Variants in MIGA1 observed in about 807,000 individuals in gnomAD.
MIGA1 encodes family with sequence similarity 73, member A.
Under a neutral mutation model 82.0 loss-of-function variants are expected in MIGA1, and 58 were observed. The ratio of observed to expected loss-of-function variants is 0.71; its 90% CI spans 0.57 to 0.88. The LOEUF (loss-of-function observed/expected upper bound fraction) is 0.88, where lower values mean the gene tolerates loss of function less well. Ranked by LOEUF, MIGA1 falls within the 40% of genes least tolerant of loss-of-function variation. The pLI, the probability that MIGA1 is intolerant of heterozygous loss-of-function variation, is 0.00. For synonymous variants in MIGA1, 249 were observed against 253.6 expected (o/e 0.98, Z 0.17); for missense variants, 751 against 749.1 (o/e 1.00, Z -0.03).
chr1:77,787,271 A>G (rs1398150494), intron 2 of MIGA1, among the ~76,000 whole-genome samples: 2 of 152,168 alleles, frequency 1.3e-5, no homozygotes, highest in Admixed American at 6.5e-5. Flanking sequence ...TATCAAAGGT[A>G]GTATATCCTT....
At chr1:77,786,243 G>T (rs1049321062) in intron 2 of MIGA1, among the ~76,000 whole-genome samples, 6 of 152,236 alleles carry the variant, frequency 3.9e-5, no homozygotes, top group Non-Finnish European at 8.8e-5. Flanking sequence ...ACAGCACGGG[G>T]ACACTGGGCC....
chr1:77,854,116 A>G (rs1685159054), intron 8 of MIGA1, among the ~76,000 whole-genome samples: 1 of 152,072 alleles, frequency 6.6e-6, no homozygotes, highest in African/African-American at 2.4e-5. Flanking sequence ...TTTAGCTCCC[A>G]CTTATCAGTG....
intron 2 of MIGA1, among the ~76,000 whole-genome samples, chr1:77,787,129 G>A (rs947436597): frequency 3.9e-5 from 6 of 152,234 alleles, no homozygotes; most frequent in South Asian, 4.1e-4. Flanking sequence ...ATCAGATCTC[G>A]TGAGACTTAT....
chr1:77,873,261 T>A, intron 15 of MIGA1, 141 bp downstream of exon 15: 1 of 797,704 alleles, frequency 1.3e-6, no homozygotes, highest in Non-Finnish European at 1.9e-6. Flanking sequence ...ATTCAGCATT[T>A]AAATGTCAGT....
At chr1:77,827,269 G>A (rs1684066647) in intron 7 of MIGA1, among the ~76,000 whole-genome samples, 3 of 152,126 alleles carry the variant, frequency 2.0e-5, no homozygotes, top group Non-Finnish European at 4.4e-5. Flanking sequence ...AGCCAGATTG[G>A]ACAATGTGTT....
chr1:77,843,293 C>A lies in MIGA1; in HGVS notation c.896-14C>A. ...GAATATCACTTTCTGAACTTTTCACCTTTTACTTTTAAGATAAAGATACAG... is the reference window on the plus strand; with the variant it reads ...GAATATCACTTTCTGAACTTTTCACATTTTACTTTTAAGATAAAGATACAG... On this transcript the variant is annotated splice_polypyrimidine_tract_variant and intron_variant, in intron 7 of 15. Transcript: ENST00000370791. 9 of 1,579,654 alleles carry A rather than the reference C, an allele frequency of 5.7e-6. No homozygotes were observed. The highest frequency in any genetic ancestry group is 7.8e-6 in the Non-Finnish European group (9 of 1,149,494).
chr1:77,854,704 T>C (rs1685180282), intron 8 of MIGA1, among the ~76,000 whole-genome samples: 1 of 152,240 alleles, frequency 6.6e-6, no homozygotes, highest in Non-Finnish European at 1.5e-5. Flanking sequence ...ATATCTTCTT[T>C]TGAGAATTGT....
intron 8 of MIGA1, chr1:77,847,916 G>T (rs1684904071): frequency 3.4e-6 from 5 of 1,450,822 alleles, no homozygotes; most frequent in Middle Eastern, 3.5e-4. Context: ...ATGAAATAAA[G>T]AAACTAGAGT....
chr1:77,822,290 G>A (rs998328852), intron 7 of MIGA1, among the ~76,000 whole-genome samples: 1 of 152,184 alleles, frequency 6.6e-6, no homozygotes, highest in African/African-American at 2.4e-5. Context: ...GCCGGGCACA[G>A]TAACTCACAC....
intron 2 of MIGA1, among the ~76,000 whole-genome samples, chr1:77,798,708 A>G (rs1391738854): frequency 6.6e-6 from 1 of 152,184 alleles, no homozygotes. Context: ...CCCTTTGTGT[A>G]TTTATGGCTT....
intron 2 of MIGA1, among the ~76,000 whole-genome samples, chr1:77,783,640 T>C (rs1682018508): frequency 6.6e-6 from 1 of 152,222 alleles, no homozygotes; most frequent in African/African-American, 2.4e-5. Context: ...GTAGGCCTGT[T>C]CTCACTATTA....
chr1:77,780,385 G>T (rs559969362), intron 1 of MIGA1, among the ~76,000 whole-genome samples: 5 of 152,300 alleles, frequency 3.3e-5, no homozygotes, highest in Non-Finnish European at 1.5e-5. Context: ...GACTCAGCTT[G>T]TTTTTGCACA....
chr1:77,781,366 T>G (rs113298418), intron 1 of MIGA1, among the ~76,000 whole-genome samples: 3 of 152,342 alleles, frequency 2.0e-5, no homozygotes, highest in African/African-American at 7.2e-5. Context: ...TAGCATAGAT[T>G]GCTTAATGAT....
intron 14 of MIGA1, chr1:77,868,444 CTCAAACTCCCAGCT>C (rs1685759124): frequency 6.6e-6 from 1 of 152,230 alleles, no homozygotes; most frequent in Non-Finnish European, 1.5e-5. Flanking sequence ...CCAGGCTAAT[CTCAAACTCCCAGCT>C]TCAAGTCATC....
chr1:77,813,323 G>A (rs376532655), intron 5 of MIGA1, among the ~76,000 whole-genome samples: 3 of 151,970 alleles, frequency 2.0e-5, no homozygotes, highest in Admixed American at 1.3e-4. Context: ...TTATAAACCC[G>A]GTAGCTTTTT....
chr1:77,803,327 A>G lies in MIGA1; in HGVS notation c.431A>G (p.Asp144Gly), dbSNP rs775350838. 1.9e-6 allele frequency: 3 copies of G among 1,566,268 alleles called. No homozygotes were observed. The highest frequency in any genetic ancestry group is 1.2e-5 in the South Asian group (1 of 82,764). The change falls in exon 4 of 16, where the codon GAC becomes GGC. Residue 144 changes from aspartate to glycine, a missense_variant. Coordinates refer to ENST00000370791, the MANE Select transcript of MIGA1 (RefSeq NM_198549.4). ...ACATTATCTTTAAGTTCTACCAAAG[A>G]CAAAGGATCTCAAGTTTGTAACTAT...
intron 7 of MIGA1, among the ~76,000 whole-genome samples, chr1:77,825,719 A>G (rs939939072): frequency 2.6e-5 from 4 of 152,222 alleles, no homozygotes; most frequent in African/African-American, 9.6e-5. Flanking sequence ...TGTAGCTTCT[A>G]TTTTCAGAGA....
chr1:77,873,038 T>G lies in MIGA1; in HGVS notation c.1598T>G (p.Ile533Ser), dbSNP rs1463304362. The change falls in exon 15 of 16, where the codon ATT (isoleucine) becomes AGT (serine). Residue 533 changes from isoleucine to serine, a missense_variant. Physicochemically the swap from Ile to Ser is moderately radical, Grantham distance 142 (BLOSUM62 -2). This residue lies in a region of MIGA1 where 265 missense variants were observed against 293.6 expected (regional missense o/e 0.90). Coordinates refer to ENST00000370791, the MANE Select transcript of MIGA1 (RefSeq NM_198549.4). ...GGATTTTTTGCCCATTTTTATGCCA[T>G]TTGTGAACACATCAGTCCTGTCCTA... is the stretch of plus-strand genomic sequence containing the variant. 6.2e-7 allele frequency: 1 copy of G among 1,614,062 alleles called. No individual in the cohort carries two copies. The highest frequency in any genetic ancestry group is 1.7e-5 in the Admixed American group (1 of 60,016).
chr1:77,870,827 A>C (rs1685948436), intron 14 of MIGA1, among the ~76,000 whole-genome samples: 1 of 151,214 alleles, frequency 6.6e-6, no homozygotes, highest in Admixed American at 6.6e-5. Flanking sequence ...TCCGTCTGCA[A>C]TCCCGGCACC....
Sources: allele counts gnomAD v4.1 joint callset (sites outside exome capture counted in the v4.1 genomes callset), GRCh38; gene constraint gnomAD v4.1.1; regional missense constraint gnomAD v4.1.1; transcripts MANE v1.5; gene names NCBI Gene and HGNC (gene_info 2026-07-23, HGNC 2026-07-21).